PRKG1: variants seen among roughly 807,000 people sequenced by gnomAD.
PRKG1 encodes the protein cGMP-dependent protein kinase 1.
A neutral mutation model predicts 88.1 loss-of-function variants in PRKG1; 35 were observed. The observed-to-expected ratio is 0.40, with a 90% CI of 0.30 to 0.53. The LOEUF (loss-of-function observed/expected upper bound fraction) is 0.53. PRKG1 is among the 20% of genes least tolerant of loss of function. The pLI is 0.59. For synonymous variants in PRKG1, 303 were observed against 292.5 expected, an observed-to-expected ratio of 1.04 and a Z score of -0.37; for missense variants, 540 against 839.8, an observed-to-expected ratio of 0.64 and a Z score of 4.41.
intron 5 of PRKG1, among the ~76,000 whole-genome samples, chr10:51,994,440 T>C (rs916366780): frequency 2.0e-5 from 3 of 152,154 alleles, no homozygotes; most frequent in Non-Finnish European, 2.9e-5. Context: ...CCAAAGTAGA[T>C]AATATTATCC....
intron 2 of PRKG1, among the ~76,000 whole-genome samples, chr10:51,424,727 A>C (rs117363752): frequency 6.6e-6 from 1 of 152,274 alleles, no homozygotes; most frequent in East Asian, 1.9e-4. Context: ...CTTAGTGTTT[A>C]TATTTCAAGG....
At chr10:51,358,518 T>C (rs1365018013) in intron 2 of PRKG1, among the ~76,000 whole-genome samples, 1 of 151,892 alleles carries the variant, frequency 6.6e-6, no homozygotes, top group African/African-American at 2.4e-5. Context: ...AAATATAGTC[T>C]GCTACAACTG....
chr10:51,941,379 T>A (rs2133029699), intron 5 of PRKG1, among the ~76,000 whole-genome samples: 1 of 152,118 alleles, frequency 6.6e-6, no homozygotes, highest in Non-Finnish European at 1.5e-5. Flanking sequence ...CTGTAAGAAA[T>A]TCTACATTGA....
At position 51,290,083 on chromosome 10, in the gene PRKG1, C is replaced by A. The variant is rs538010809; in HGVS notation, c.478+136753C>A. Among the ~76,000 whole-genome samples, 1,141 of 152,156 alleles carry A rather than the reference C, an allele frequency of 7.5e-3. 12 individuals carry two copies. Among genetic ancestry groups the A allele is most frequent in the Middle Eastern group, 0.014 (4 of 294 alleles). The stretch of plus-strand genomic sequence containing the variant: ...TGAGATAAATATACATTCAGAGCAT[C>A]ATTATCAACTTTGAGGAAATGTAGG... On this transcript the variant is annotated intron_variant, in intron 2 of 17. Transcript: ENST00000373980.
At chr10:51,407,199 A>G (rs1482692295) in intron 2 of PRKG1, among the ~76,000 whole-genome samples, 1 of 152,128 alleles carries the variant, frequency 6.6e-6, no homozygotes, top group African/African-American at 2.4e-5. Flanking sequence ...CCTTCAATCC[A>G]ATCAAGTTGT....
chr10:51,470,205 T>C (rs1840013222), intron 3 of PRKG1, among the ~76,000 whole-genome samples: 1 of 151,882 alleles, frequency 6.6e-6, no homozygotes, highest in South Asian at 2.1e-4. Flanking sequence ...TCAAATTTAT[T>C]TGGTTTTTAA....
chr10:51,231,247 C>T (rs1459568668), intron 2 of PRKG1, among the ~76,000 whole-genome samples: 2 of 152,106 alleles, frequency 1.3e-5, no homozygotes, highest in African/African-American at 4.8e-5. Flanking sequence ...TAATTTCCTA[C>T]TTAAAATTAA....
intron 3 of PRKG1, among the ~76,000 whole-genome samples, chr10:51,759,133 T>A (rs961978102): frequency 6.6e-6 from 1 of 152,154 alleles, no homozygotes; most frequent in Non-Finnish European, 1.5e-5. Context: ...TCTTTGTTAT[T>A]GTGAATAGTG....
intron 3 of PRKG1, among the ~76,000 whole-genome samples, chr10:51,596,765 G>A (rs982523673): frequency 6.6e-6 from 1 of 152,124 alleles, no homozygotes; most frequent in Non-Finnish European, 1.5e-5. Context: ...GCTAGGGGAA[G>A]GATAAAATAA....
At chr10:51,573,514 T>C (rs1218244427) in intron 3 of PRKG1, among the ~76,000 whole-genome samples, 1 of 151,914 alleles carries the variant, frequency 6.6e-6, no homozygotes, top group Non-Finnish European at 1.5e-5. Flanking sequence ...ATGTTTTTCA[T>C]CAGTGAATTC....
At chr10:51,601,770 G>A (rs866709063) in intron 3 of PRKG1, among the ~76,000 whole-genome samples, 1 of 27,322 alleles carries the variant, frequency 3.7e-5, no homozygotes, top group African/African-American at 1.2e-4. Context: ...TTTTTTTTTT[G>A]TAAGCTGAGC....
intron 3 of PRKG1, among the ~76,000 whole-genome samples, chr10:51,556,358 A>G (rs910435355): frequency 5.9e-5 from 9 of 152,114 alleles, no homozygotes; most frequent in African/African-American, 1.9e-4. Context: ...AATAATTTCC[A>G]TAAATATTTC....
At chr10:51,693,680 G>A (rs1430778663) in intron 3 of PRKG1, among the ~76,000 whole-genome samples, 3 of 151,954 alleles carry the variant, frequency 2.0e-5, no homozygotes, top group Admixed American at 2.0e-4. Flanking sequence ...GGGATTACAG[G>A]TATAAGCCAC....
At chr10:52,264,550 G>T (rs1290383310) in intron 10 of PRKG1, among the ~76,000 whole-genome samples, 1 of 151,968 alleles carries the variant, frequency 6.6e-6, no homozygotes, top group African/African-American at 2.4e-5. Flanking sequence ...TACTTACAAA[G>T]ACTTTTTCTC....
At chr10:51,465,583 G>C (rs1200263368) in intron 2 of PRKG1, among the ~76,000 whole-genome samples, 1 of 152,138 alleles carries the variant, frequency 6.6e-6, no homozygotes, top group Non-Finnish European at 1.5e-5. Context: ...TAGACAAATG[G>C]AGAAAAGTAC....
chr10:51,972,842 G>GTT (rs796155559), intron 5 of PRKG1, among the ~76,000 whole-genome samples: 1 of 148,050 alleles, frequency 6.8e-6, no homozygotes, highest in African/African-American at 2.5e-5. Context: ...TTGATATAGG[G>GTT]TTTTTTTTTT....
intron 5 of PRKG1, among the ~76,000 whole-genome samples, chr10:52,042,619 A>G (rs1247584153): frequency 6.6e-6 from 1 of 152,144 alleles, no homozygotes; most frequent in Non-Finnish European, 1.5e-5. Flanking sequence ...CTATGAAAGT[A>G]CTAGAAGAAC....
intron 3 of PRKG1, among the ~76,000 whole-genome samples, chr10:51,766,026 T>A (rs973617760): frequency 6.6e-6 from 1 of 152,120 alleles, no homozygotes; most frequent in Non-Finnish European, 1.5e-5. Flanking sequence ...GCCCTCATGT[T>A]GCAGTCACAC....
chr10:52,229,444 A>G (rs1233215199), intron 9 of PRKG1, among the ~76,000 whole-genome samples: 1 of 152,178 alleles, frequency 6.6e-6, no homozygotes, highest in East Asian at 1.9e-4. Flanking sequence ...AACCACCCTC[A>G]TGATGGCTTT....
Sources: gnomAD v4.1 joint callset for allele counts (sites outside exome capture counted in the v4.1 genomes callset) on GRCh38, gnomAD v4.1.1 for gene constraint, MANE v1.5 for transcripts, NCBI Gene and HGNC (gene_info 2026-07-23, HGNC 2026-07-21) for gene names.